Variants in ANO9 observed in about 807,000 individuals in gnomAD.
The protein encoded by ANO9 is anoctamin 9.
A neutral mutation model predicts 100.5 loss-of-function variants in ANO9; 80 were observed. That is an observed-to-expected ratio of 0.80 (90% CI 0.66 to 0.96). ANO9 has a LOEUF of 0.96. Among genes scored for constraint, ANO9 ranks in the 40% least tolerant of loss-of-function variants. The pLI, the probability that ANO9 is intolerant of heterozygous loss-of-function variation, is 0.00. For missense variants in ANO9, 1,064 were observed against 1,072.7 expected (o/e 0.99, Z 0.11); for synonymous variants, 473 against 435.6 (o/e 1.09, Z -1.07).
At position 418,879 on chromosome 11, in the gene ANO9, G is replaced by A; in HGVS notation, c.2036+9C>T. On this transcript the variant is annotated intron_variant, in intron 21 of 22. Coordinates refer to ENST00000332826, the MANE Select transcript of ANO9 (RefSeq NM_001012302.3). ...AGAGGGCATTCTTGGGGGATGGGGA[G>A]TTCCAAACCTGCACAGAGTCACGTT... The A allele has an allele frequency of 6.2e-7, 1 of 1,613,670 alleles. No homozygotes were observed. The highest frequency in any genetic ancestry group is 1.1e-5 in the South Asian group (1 of 91,084).
In ANO9 at chr11:430,083, C is replaced by T. The variant is rs768369220; in HGVS notation, c.771G>A (p.Lys257=). The T allele has an allele frequency of 5.8e-6, 9 of 1,550,230 alleles. No homozygotes were observed. Among genetic ancestry groups the T allele is most frequent in the South Asian group, 2.4e-5 (2 of 84,006 alleles). ...TGGGGTGGACCCGGAGGCGACAAACCTTGGCAAAAGTGCAGGTTTCCGAGA... is the reference window on the plus strand; with the variant it reads ...TGGGGTGGACCCGGAGGCGACAAACTTTGGCAAAAGTGCAGGTTTCCGAGA... ...QRLSETCTFA[K]LTHLFDNDGT... The change falls in exon 9 of 23, where the codon AAG becomes AAA. Residue 257 remains lysine (K), a splice_region_variant and synonymous_variant. Transcript: ENST00000332826.
intron 15 of ANO9, among the ~76,000 whole-genome samples, chr11:426,145 C>T (rs900906311): frequency 1.3e-4 from 20 of 152,304 alleles, no homozygotes; most frequent in African/African-American, 4.6e-4. Flanking sequence ...CTGACACAGC[C>T]TTTCTGGAGG....
intron 3 of ANO9, 102 bp from the exon 4 acceptor site, chr11:433,561 C>T: frequency 1.6e-5 from 23 of 1,477,336 alleles, no homozygotes; most frequent in Non-Finnish European, 1.9e-5. Context: ...CCTCCCCCCT[C>T]TATTCCGCCT....
At position 420,460 on chromosome 11, in the gene ANO9, G is replaced by A. The variant is rs1337180848; in HGVS notation, c.1786+3C>T. The A allele has an allele frequency of 1.2e-6, 2 of 1,601,350 alleles. No homozygotes were observed. The highest frequency in any genetic ancestry group is 1.7e-6 in the Non-Finnish European group (2 of 1,179,274). ...CGCCCATCCTGCGCCCGCCCGGTCT[G>A]ACCGATGTCCTTGGCCTTGCGCGGC... On this transcript the variant is annotated splice_donor_region_variant and intron_variant, in intron 19 of 22. Transcript: ENST00000332826.
rs1217366419 is a variant in ANO9, at chr11:441,920, C to T, written c.6+1G>A. 20 of 1,608,168 alleles carry T rather than the reference C, an allele frequency of 1.2e-5. No homozygotes were observed. In the Middle Eastern group the frequency reaches 5.0e-4, roughly 40 times the overall value. On this transcript the variant is annotated splice_donor_variant, in intron 1 of 22. Transcript: ENST00000332826. LOFTEE classifies it high-confidence loss of function. ...TGGACCCTTTTGAGCGCAGGACTCA[C>T]CTGCATGCTGGCTGTGGCCGGAGTT...
At chr11:437,050 G>GGTGAGCGGGGGGAGAGCAGA (rs1564936271) in intron 1 of ANO9, among the ~76,000 whole-genome samples, 1 of 105,420 alleles carries the variant, frequency 9.5e-6, no homozygotes, top group African/African-American at 3.8e-5. Flanking sequence ...GGGTGCGTGG[G>GGTGAGCGGGGGGAGAGCAGA]GGGTGAGCTG....
intron 19 of ANO9, 91 bp downstream of exon 19, chr11:420,372 A>AT (rs1186803337): frequency 3.6e-5 from 55 of 1,532,088 alleles, no homozygotes; most frequent in Middle Eastern, 2.0e-4. Flanking sequence ...CCGAGAGATT[A>AT]TTTTTTCCAG....
At position 418,880 on chromosome 11, in the gene ANO9, T is replaced by C; in HGVS notation, c.2036+8A>G. 6.2e-7 allele frequency: 1 copy of C among 1,613,512 alleles called. No homozygotes were observed. Among genetic ancestry groups the C allele is most frequent in the Non-Finnish European group, 8.5e-7 (1 of 1,179,936 alleles). The stretch of plus-strand genomic sequence containing the variant: ...GAGGGCATTCTTGGGGGATGGGGAG[T>C]TCCAAACCTGCACAGAGTCACGTTT... On this transcript the variant is annotated splice_region_variant and intron_variant, in intron 21 of 22. Transcript: ENST00000332826.
intron 15 of ANO9, among the ~76,000 whole-genome samples, chr11:424,090 C>A (rs1479124613): frequency 6.6e-6 from 1 of 152,034 alleles, no homozygotes; most frequent in South Asian, 2.1e-4. Context: ...GACGGGGTTT[C>A]TTCATGTTGG....
chr11:436,063 C>CTTTT (rs10707508), intron 1 of ANO9, among the ~76,000 whole-genome samples: 10 of 99,282 alleles, frequency 1.0e-4, no homozygotes, highest in Non-Finnish European at 1.7e-4. Flanking sequence ...CTTTTCTTTC[C>CTTTT]TTTTTTTTTT....
intron 6 of ANO9, 26 bp downstream of exon 6, chr11:431,822 C>T: frequency 1.9e-6 from 3 of 1,611,694 alleles, no homozygotes; most frequent in Non-Finnish European, 1.7e-6. Flanking sequence ...ACCCCAGGGC[C>T]CTCTCCAGGC....
Position 421,130 on chromosome 11 carries a change from G to A in ANO9, c.1392+11C>T. ...CTCAGGGACAGGGCATGAAGCCTGG[G>A]GGTGACTGACCTCTTCCAGCTTCCA... On this transcript the variant is annotated intron_variant, in intron 16 of 22. Transcript: ENST00000332826. This position sits in a 1 kb window ranked among gnomAD's most constrained non-coding sequence, Gnocchi z 6.8. 6.4e-7 allele frequency: 1 copy of A among 1,572,078 alleles called. No individual in the cohort carries two copies. The highest frequency in any genetic ancestry group is 1.7e-4 in the Middle Eastern group (1 of 5,906).
chr11:434,205 C>T (rs1358491519), intron 1 of ANO9, 107 bp from the exon 2 acceptor site: 2 of 1,301,518 alleles, frequency 1.5e-6, no homozygotes, highest in Non-Finnish European at 2.1e-6. Context: ...ACCGTCCCTC[C>T]CCACAAGGAG....
At chr11:433,505 C>T in intron 3 of ANO9, 46 bp from the exon 4 acceptor site, 1 of 1,579,964 alleles carries the variant, frequency 6.3e-7, no homozygotes, top group Non-Finnish European at 8.6e-7. Flanking sequence ...ACCCTCCCCG[C>T]TCTATCCCGC....
chr11:418,228 C>T lies in ANO9; in HGVS notation c.*143G>A. On this transcript the variant is annotated 3_prime_UTR_variant, in exon 23 of 23. Transcript: ENST00000332826. Reference sequence around the variant, plus strand: ...GCGGAATAGGGTGGCAGCTCACAGCCCTGAACATACAGGGGATTCCTGCGG... The same window carrying T: ...GCGGAATAGGGTGGCAGCTCACAGCTCTGAACATACAGGGGATTCCTGCGG... The T allele has an allele frequency of 1.2e-6, 1 of 842,028 alleles. No individual in the cohort carries two copies. Among genetic ancestry groups the T allele is most frequent in the Non-Finnish European group, 1.8e-6 (1 of 556,500 alleles). 52.2% of individuals were successfully genotyped at this position (842,028 alleles called of 1,614,324 possible).
rs751240755 is a variant in ANO9 at position 432,030 on chromosome 11, G to A, written c.375C>T (p.Phe125=). 1.2e-5 allele frequency: 19 copies of A among 1,612,998 alleles called. No homozygotes were observed. In the South Asian group the frequency reaches 1.4e-4, roughly 12 times the overall value. Residue 125 remains phenylalanine (F), a synonymous_variant, in exon 5 of 23, where the codon TTC becomes TTT. Transcript: ENST00000332826. This position sits in a 1 kb window ranked among gnomAD's most constrained non-coding sequence, Gnocchi z 4.8. ...CCGAGGTCTTGTTGTTCATGACAAC[G>A]AAGTTCACGATTCGGATTCTGAGAC... ...TTSLRIRIVN[F]VVMNNKTSAG...
rs1257997978 is a variant in ANO9 at position 441,775 on chromosome 11, C to T, written c.6+146G>A. On this transcript the variant is annotated intron_variant, in intron 1 of 22. Transcript: ENST00000332826. The stretch of plus-strand genomic sequence containing the variant: ...CTTAGCTGAGCCGGGCGGTCACCCT[C>T]GCCTGACCGGGCAGCCTGCAGGGAC... 7 of 1,297,292 alleles carry T rather than the reference C, an allele frequency of 5.4e-6. No homozygotes were observed. In the African/African-American group the frequency reaches 6.0e-5, roughly 11 times the overall value. The allele number at this position is 1,297,292 out of a possible 1,614,324, so 80.4% of individuals were successfully genotyped here. A position where few individuals can be genotyped will look rare whatever the true frequency, so the allele number is the denominator to read the frequency against.
intron 3 of ANO9, 121 bp downstream of exon 3, chr11:433,693 CG>C (rs1849220772): frequency 6.9e-7 from 1 of 1,444,238 alleles, no homozygotes; most frequent in Non-Finnish European, 9.1e-7. Context: ...CCCTCCGTGC[CG>C]CCATGACCGG....
rs1849585349 is a variant in ANO9 at position 436,703 on chromosome 11, A to AGCAGGGAGTG, written c.7-2606_7-2605insCACTCCCTGC. 1.0e-4 allele frequency among the ~76,000 whole-genome samples: 3 copies of AGCAGGGAGTG among 28,966 alleles called. 1 individual carries two copies. The highest frequency in any genetic ancestry group is 1.5e-4 in the African/African-American group (1 of 6,850). The allele number at this position is 28,966 out of a possible 152,430, so 19.0% of individuals were successfully genotyped here. On this transcript the variant is annotated intron_variant, in intron 1 of 22. Coordinates refer to ENST00000332826, the MANE Select transcript of ANO9 (RefSeq NM_001012302.3). ...AGTGAGCAGGAGGTGAGCAGGGGGT[A>AGCAGGGAGTG]AGCAGGGGGTGAGCAGGGGGTGAGC...
Sources: allele counts gnomAD v4.1 joint callset (sites outside exome capture counted in the v4.1 genomes callset), GRCh38; gene constraint gnomAD v4.1.1; non-coding constraint Gnocchi (gnomAD v3.1); transcripts MANE v1.5; gene names NCBI Gene and HGNC (gene_info 2026-07-23, HGNC 2026-07-21).